Variants in CREBBP observed in about 807,000 individuals in gnomAD.
The protein encoded by CREBBP is CREB-binding protein.
Under a neutral mutation model 265.0 loss-of-function variants are expected in CREBBP, and 19 were observed. That is an observed-to-expected ratio of 0.07 (90% CI 0.05 to 0.11). The LOEUF is 0.11. CREBBP is among the 10% of genes least tolerant of loss of function. The pLI, the probability that CREBBP is intolerant of heterozygous loss-of-function variation, is 1.00. For synonymous variants in CREBBP, 1,457 were observed against 1,223.7 expected (o/e 1.19, Z -3.98); for missense variants, 2,525 against 3,219.0 (o/e 0.78, Z 5.22).
At position 3,777,625 on chromosome 16, in the gene CREBBP, G is replaced by T. The variant is rs1188619783; in HGVS notation, c.2146C>A (p.Gln716Lys). The T allele has an allele frequency of 6.2e-7, 1 of 1,614,006 alleles. No homozygotes were observed. Among genetic ancestry groups the T allele is most frequent in the Non-Finnish European group, 8.5e-7 (1 of 1,180,036 alleles). Residue 716 changes from glutamine (Q) to lysine (K), a missense_variant, in exon 11 of 31, where the codon CAA (glutamine) becomes AAA (lysine). By Grantham distance (53) the Gln-to-Lys change is moderately conservative. Around this residue, in one of 19 missense-constraint regions of CREBBP, gnomAD observed 548 missense variants for 533.0 expected, o/e 1.03. Coordinates refer to ENST00000262367, the MANE Select transcript of CREBBP (RefSeq NM_004380.3). ...AACAGTTCAATACCTTGAGAAACTT[G>T]CATGCGATTCACTGGCAGGGACAGG... is the stretch of plus-strand genomic sequence containing the variant. ...GPLSLPVNRM[Q>K]VSQGMNSFNP... is the part of the protein sequence containing the mutation.
intron 1 of CREBBP, among the ~76,000 whole-genome samples, chr16:3,873,998 G>T (rs2055350573): frequency 6.6e-6 from 1 of 152,192 alleles, no homozygotes; most frequent in Admixed American, 6.5e-5. Flanking sequence ...CCGTGGAAAG[G>T]CTCTGGAGTT....
At chr16:3,752,906 G>A (rs2052506489) in intron 19 of CREBBP, among the ~76,000 whole-genome samples, 2 of 152,192 alleles carry the variant, frequency 1.3e-5, no homozygotes, top group African/African-American at 4.8e-5. Context: ...TAAATGTTTG[G>A]AAAGGACATA....
intron 16 of CREBBP, among the ~76,000 whole-genome samples, chr16:3,760,131 G>T (rs911007224): frequency 1.3e-5 from 2 of 152,094 alleles, no homozygotes; most frequent in African/African-American, 4.8e-5. Flanking sequence ...GCACTCTGTT[G>T]CCCAGGTTGG....
chr16:3,878,689 T>C (rs918871378), intron 1 of CREBBP, among the ~76,000 whole-genome samples: 1 of 152,218 alleles, frequency 6.6e-6, no homozygotes, highest in African/African-American at 2.4e-5. Flanking sequence ...TAATTCAATT[T>C]GGACTCATTC....
intron 2 of CREBBP, among the ~76,000 whole-genome samples, chr16:3,848,455 T>C (rs552721681): frequency 6.6e-6 from 1 of 152,224 alleles, no homozygotes; most frequent in Non-Finnish European, 1.5e-5. Flanking sequence ...ACAGTAGATC[T>C]AGTTTTCTAG....
intron 16 of CREBBP, among the ~76,000 whole-genome samples, chr16:3,764,885 A>C (rs565529514): frequency 2.0e-5 from 3 of 152,218 alleles, no homozygotes. Flanking sequence ...ACCTGGCTGA[A>C]AAAATATTCT....
intron 1 of CREBBP, among the ~76,000 whole-genome samples, chr16:3,853,746 G>A (rs961856424): frequency 3.3e-5 from 5 of 152,032 alleles, no homozygotes; most frequent in Admixed American, 1.3e-4. Context: ...AGACCAGCCT[G>A]GCTAATATGG....
intron 1 of CREBBP, among the ~76,000 whole-genome samples, chr16:3,873,247 C>T (rs1215833368): frequency 2.0e-5 from 3 of 152,162 alleles, no homozygotes; most frequent in Non-Finnish European, 4.4e-5. Context: ...TTTCAGTGTA[C>T]ATCCTGATTT....
intron 2 of CREBBP, among the ~76,000 whole-genome samples, chr16:3,830,325 G>GT (rs969549613): frequency 2.0e-5 from 3 of 152,150 alleles, no homozygotes; most frequent in African/African-American, 7.2e-5. Context: ...CTCACCCGGG[G>GT]TGGGGGGCAG....
chr16:3,782,094 A>C (rs2053285302), intron 6 of CREBBP, among the ~76,000 whole-genome samples: 1 of 152,246 alleles, frequency 6.6e-6, no homozygotes. Context: ...GTGTCCACTT[A>C]AAGAAAAATA....
intron 1 of CREBBP, among the ~76,000 whole-genome samples, chr16:3,872,425 C>G (rs1291180961): frequency 6.6e-6 from 1 of 152,138 alleles, no homozygotes; most frequent in East Asian, 1.9e-4. Flanking sequence ...CAGCAGAGCA[C>G]GGCCCCAGGG....
rs1433842236 is a variant in CREBBP, at chr16:3,728,719, C to A, written c.6328G>T (p.Ala2110Ser). The change falls in exon 31 of 31, where the codon GCC (alanine) becomes TCC (serine). Residue 2110 changes from alanine to serine, a missense_variant. Ala to Ser is a moderately conservative substitution (Grantham distance 99). Around this residue, in one of 19 missense-constraint regions of CREBBP, gnomAD observed 473 missense variants for 459.3 expected, o/e 1.03. Transcript: ENST00000262367. This position sits in a 1 kb window ranked among gnomAD's most constrained non-coding sequence, Gnocchi z 8.7. ...TGGGGCTGCATGCCGGGCTGATTGG[C>A]CACGTACTTGGCTGTGCGCTGTTTG... Reference protein sequence around the residue: ...FIKQRTAKYVANQPGMQPQPG... With the variant: ...FIKQRTAKYVSNQPGMQPQPG... 4 of 1,613,844 alleles carry A rather than the reference C, an allele frequency of 2.5e-6. No individual in the cohort carries two copies. The African/African-American group carries it at 5.3e-5, about 22-fold the overall frequency.
At chr16:3,834,514 G>C (rs1270479645) in intron 2 of CREBBP, among the ~76,000 whole-genome samples, 1 of 152,188 alleles carries the variant, frequency 6.6e-6, no homozygotes, top group Non-Finnish European at 1.5e-5. Flanking sequence ...GTGGTTGCCA[G>C]GGTTTTGGGA....
chr16:3,855,964 A>G (rs2054953588), intron 1 of CREBBP, among the ~76,000 whole-genome samples: 1 of 152,258 alleles, frequency 6.6e-6, no homozygotes, highest in Non-Finnish European at 1.5e-5. Flanking sequence ...TCCAACCCAA[A>G]TGATAAACGT....
chr16:3,877,546 G>GA (rs1160261323), intron 1 of CREBBP, among the ~76,000 whole-genome samples: 1 of 152,196 alleles, frequency 6.6e-6, no homozygotes. Context: ...GGAATTACAG[G>GA]TGCATGTCAC....
chr16:3,868,375 C>T lies in CREBBP; in HGVS notation c.85+11457G>A, dbSNP rs528989657. ...CATGGGGCCCTTTTCCTGCCAAAAACGGGGCTCAGGAGGGGAAAGCATTGT... is the reference window on the plus strand; with the variant it reads ...CATGGGGCCCTTTTCCTGCCAAAAATGGGGCTCAGGAGGGGAAAGCATTGT... On this transcript the variant is annotated intron_variant, in intron 1 of 30. Coordinates refer to ENST00000262367, the MANE Select transcript of CREBBP (RefSeq NM_004380.3). 1.1e-4 allele frequency among the ~76,000 whole-genome samples: 16 copies of T among 149,608 alleles called. 2 individuals are homozygous for T. The East Asian group carries it at 2.4e-3, about 22-fold the overall frequency.
In CREBBP at chr16:3,777,676, A is replaced by T. The variant is rs1180371680; in HGVS notation, c.2114-19T>A. The T allele has an allele frequency of 2.5e-6, 4 of 1,613,826 alleles. No homozygotes were observed. Among genetic ancestry groups the T allele is most frequent in the Non-Finnish European group, 3.4e-6 (4 of 1,179,888 alleles). On this transcript the variant is annotated intron_variant, in intron 10 of 30. Transcript: ENST00000262367. ...GGTCCATCTATGGTGGCAAAACAAA[A>T]ACAAAAACAAAACCACCCTAGTTAT... is the stretch of plus-strand genomic sequence containing the variant.
At chr16:3,871,276 C>A (rs1321859722) in intron 1 of CREBBP, among the ~76,000 whole-genome samples, 2 of 151,942 alleles carry the variant, frequency 1.3e-5, no homozygotes, top group Non-Finnish European at 2.9e-5. Context: ...CAGCCCAAGT[C>A]ACAGCGCTGC....
rs2141248269 is a variant in CREBBP, at chr16:3,781,293, C to A, written c.1587G>T (p.Met529Ile). 1.2e-6 allele frequency: 2 copies of A among 1,613,420 alleles called. No individual in the cohort carries two copies. Among genetic ancestry groups the A allele is most frequent in the South Asian group, 2.2e-5 (2 of 91,010 alleles). Residue 529 changes from methionine (M) to isoleucine (I), a missense_variant, in exon 7 of 31, where the codon ATG (methionine) becomes ATT (isoleucine). Met to Ile is a conservative substitution (Grantham distance 10). Coordinates refer to ENST00000262367, the MANE Select transcript of CREBBP (RefSeq NM_004380.3). ...RTLNPLGNNPMNIPAGGITTD... is the reference protein window; with the variant it reads ...RTLNPLGNNPINIPAGGITTD... ...TTGTTATTCCTCCTGCTGGAATGTT[C>A]ATTGGATTATTTCCTTTAAAGACAG...
Sources: gnomAD v4.1 joint callset for allele counts (sites outside exome capture counted in the v4.1 genomes callset) on GRCh38, gnomAD v4.1.1 for gene constraint, gnomAD v4.1.1 regional missense constraint, Gnocchi (gnomAD v3.1) non-coding constraint, MANE v1.5 for transcripts, NCBI Gene and HGNC (gene_info 2026-07-23, HGNC 2026-07-21) for gene names.